BET1: variants seen among roughly 807,000 people sequenced by gnomAD.
The protein encoded by BET1 is Bet1 golgi vesicular membrane trafficking protein.
BET1 carries 9 observed loss-of-function variants against 13.9 expected under a neutral mutation model. The ratio of observed to expected loss-of-function variants is 0.65; its 90% CI spans 0.39 to 1.13. The LOEUF (loss-of-function observed/expected upper bound fraction) is 1.13. BET1 is among the 50% of genes most tolerant of loss of function. The pLI, the probability that BET1 is intolerant of heterozygous loss-of-function variation, is 0.01. For missense variants in BET1, 127 were observed against 133.6 expected, an observed-to-expected ratio of 0.95 and a Z score of 0.24; for synonymous variants, 39 against 47.3, an observed-to-expected ratio of 0.82 and a Z score of 0.72.
chr7:93,970,673 T>C lies in BET1; in HGVS notation c.*137+1902A>G, dbSNP rs1339571766. Among the ~76,000 whole-genome samples, 80 of 151,892 alleles carry C rather than the reference T, an allele frequency of 5.3e-4. 2 individuals carry two copies. Among genetic ancestry groups the C allele is most frequent in the Admixed American group, 5.1e-3 (78 of 15,202 alleles). ...CATAGTAAACAGTTTAAAAATATTA[T>C]TTGGATTATAAAATGAATTAATTAT... On this transcript the variant is annotated intron_variant and NMD_transcript_variant, in intron 6 of 6. Transcript: ENST00000357520.
intron 4 of BET1, among the ~76,000 whole-genome samples, chr7:93,984,498 T>C (rs990108439): frequency 1.2e-4 from 19 of 152,258 alleles, no homozygotes; most frequent in Middle Eastern, 3.4e-3. Context: ...TTATTTGAGA[T>C]GAAATTCCTT....
chr7:93,966,557 A>G (rs1386439854), intron 6 of BET1, among the ~76,000 whole-genome samples: 3 of 151,072 alleles, frequency 2.0e-5, no homozygotes, highest in Admixed American at 6.6e-5. Flanking sequence ...ATGCAATTCT[A>G]GCCAATGTCA....
At chr7:93,976,070 C>T in exon 5 of BET1, 1 of 1,262,692 alleles carries the variant, frequency 7.9e-7, no homozygotes, top group Middle Eastern at 2.2e-4. Flanking sequence ...TTCACTGCTA[C>T]TGGTGAAATC....
intron 6 of BET1, among the ~76,000 whole-genome samples, chr7:93,967,626 C>G (rs1157527968): frequency 6.6e-6 from 1 of 151,702 alleles, no homozygotes; most frequent in Non-Finnish European, 1.5e-5. Context: ...ATTATGACGT[C>G]TATTAACAAT....
intron 4 of BET1, among the ~76,000 whole-genome samples, chr7:93,977,455 A>G (rs1325223064): frequency 6.6e-6 from 1 of 152,176 alleles, no homozygotes; most frequent in Non-Finnish European, 1.5e-5. Flanking sequence ...GTAGCTCTGT[A>G]TAAGTGAAAC....
intron 6 of BET1, among the ~76,000 whole-genome samples, chr7:93,971,930 C>A (rs143862349): frequency 3.0e-4 from 44 of 147,548 alleles, no homozygotes; most frequent in African/African-American, 1.1e-3. Context: ...CCAGAAACTG[C>A]AAGCTTAAAA....
At chr7:94,001,254 C>G (rs1341536365) in intron 1 of BET1, among the ~76,000 whole-genome samples, 1 of 152,178 alleles carries the variant, frequency 6.6e-6, no homozygotes, top group Non-Finnish European at 1.5e-5. Flanking sequence ...AACCTACAAA[C>G]ACATACACAC....
Position 93,999,160 on chromosome 7 carries a change from A to G in BET1, c.144+10T>C, listed in dbSNP as rs748498078. The G allele has an allele frequency of 9.2e-5, 146 of 1,591,780 alleles. No individual in the cohort carries two copies. The highest frequency in any genetic ancestry group is 1.2e-4 in the Non-Finnish European group (143 of 1,163,266). On this transcript the variant is annotated intron_variant, in intron 2 of 3. Coordinates refer to ENST00000222547, the MANE Select transcript of BET1 (RefSeq NM_005868.6). ...AATTAAAACACATATAATATTTGTT[A>G]TATACTTACAGATTTTATAGCAGTT...
At chr7:93,975,913 G>T in exon 5 of BET1, 1 of 1,133,420 alleles carries the variant, frequency 8.8e-7, no homozygotes, top group African/African-American at 1.6e-5. Context: ...CTTCTTTCTT[G>T]GAAGATTTGG....
rs1361847800 is a variant in BET1, at chr7:93,994,222, T to C, written c.*8A>G. The stretch of plus-strand genomic sequence containing the variant: ...TTGGAACAAATTCCAAATTCACAAT[T>C]ACATGCATCACCTCAGTTTAATAAT... On this transcript the variant is annotated 3_prime_UTR_variant, in exon 4 of 4. Transcript: ENST00000222547. 6.3e-7 allele frequency: 1 copy of C among 1,589,270 alleles called. No individual in the cohort carries two copies. Among genetic ancestry groups the C allele is most frequent in the Admixed American group, 1.8e-5 (1 of 55,872 alleles).
chr7:93,987,013 C>T (rs1216911145), intron 4 of BET1: 1 of 151,824 alleles, frequency 6.6e-6, no homozygotes, highest in Non-Finnish European at 1.5e-5. Context: ...TGTACGCACA[C>T]TCTAGGATGT....
chr7:93,983,902 T>C (rs1294889352), intron 4 of BET1, among the ~76,000 whole-genome samples: 3 of 152,196 alleles, frequency 2.0e-5, no homozygotes, highest in Non-Finnish European at 2.9e-5. Flanking sequence ...AGAATCTCAC[T>C]CTTGTGCATC....
chr7:93,969,331 A>G (rs1285741297), intron 6 of BET1: 1 of 151,868 alleles, frequency 6.6e-6, no homozygotes, highest in Non-Finnish European at 1.5e-5. Flanking sequence ...TTCTTTTGTA[A>G]CAGGGTAGTC....
intron 4 of BET1, among the ~76,000 whole-genome samples, chr7:93,983,458 T>C (rs1422199088): frequency 6.6e-6 from 1 of 152,192 alleles, no homozygotes; most frequent in East Asian, 1.9e-4. Context: ...AAATTTATAA[T>C]AATTCCTCTG....
chr7:94,004,155 C>A (rs1357536527), intron 1 of BET1, 43 bp downstream of exon 1: 2 of 1,613,846 alleles, frequency 1.2e-6, no homozygotes, highest in African/African-American at 1.3e-5. Context: ...CCAGCGCTCC[C>A]GGTTCTAGGG....
chr7:93,963,743 CTTTA>C (rs1376607125), exon 7 of BET1: 1 of 152,036 alleles, frequency 6.6e-6, no homozygotes, highest in African/African-American at 2.4e-5. Context: ...TGGGCTTCTA[CTTTA>C]TTTGTTTCTG....
rs74528600 is a variant in BET1 at position 93,967,242 on chromosome 7, C to T, written c.*138-1555G>A. Reference sequence around the variant, plus strand: ...ACCTTCATAATCTCTTAAAGAGTCTCCTGTGCCTTACTCACTCAACCTTAC... The same window carrying T: ...ACCTTCATAATCTCTTAAAGAGTCTTCTGTGCCTTACTCACTCAACCTTAC... On this transcript the variant is annotated intron_variant and NMD_transcript_variant, in intron 6 of 6. Transcript: ENST00000357520. 4.8e-3 allele frequency among the ~76,000 whole-genome samples: 735 copies of T among 151,960 alleles called. 11 individuals are homozygous for T. The highest frequency in any genetic ancestry group is 0.016 in the African/African-American group (673 of 41,544).
At chr7:93,970,093 T>C (rs1795235063) in intron 6 of BET1, among the ~76,000 whole-genome samples, 1 of 151,850 alleles carries the variant, frequency 6.6e-6, no homozygotes, top group East Asian at 1.9e-4. Flanking sequence ...TCATACAAAA[T>C]GTGTTACATT....
At chr7:93,985,790 A>G (rs1056455847) in intron 4 of BET1, among the ~76,000 whole-genome samples, 3 of 152,132 alleles carry the variant, frequency 2.0e-5, no homozygotes, top group Non-Finnish European at 1.5e-5. Context: ...GAATATGGAC[A>G]CTCCAACTAA....
Sources: gnomAD v4.1 joint callset for allele counts (sites outside exome capture counted in the v4.1 genomes callset) on GRCh38, gnomAD v4.1.1 for gene constraint, MANE v1.5 for transcripts, NCBI Gene and HGNC (gene_info 2026-07-23, HGNC 2026-07-21) for gene names.